GABRA3: variants seen among roughly 807,000 people sequenced by gnomAD.
The protein encoded by GABRA3 is gamma-aminobutyric acid receptor subunit alpha-3.
Under a neutral mutation model 30.1 loss-of-function variants are expected in GABRA3, and 10 were observed. The ratio of observed to expected loss-of-function variants is 0.33; its 90% CI spans 0.20 to 0.56. GABRA3 has a LOEUF of 0.56. Among genes scored for constraint, GABRA3 ranks in the 20% least tolerant of loss-of-function variants. GABRA3 has a pLI of 0.89. For missense variants in GABRA3, 233 were observed against 392.0 expected (o/e 0.59, Z 3.42); for synonymous variants, 151 against 146.8 (o/e 1.03, Z -0.21).
At chrX:152,185,236 C>T (rs1201700072) in intron 9 of GABRA3, among the ~76,000 whole-genome samples, 1 of 111,514 alleles carries the variant, frequency 9.0e-6, no homozygotes, top group Admixed American at 9.6e-5. Flanking sequence ...AGCACCTGTA[C>T]ATTAGAGATC....
intron 9 of GABRA3, among the ~76,000 whole-genome samples, chrX:152,183,555 A>G (rs1190631595): frequency 9.2e-6 from 1 of 109,174 alleles, no homozygotes; most frequent in African/African-American, 3.3e-5. Flanking sequence ...TATTTCATGT[A>G]TTTCTGCTCT....
chrX:152,181,458 G>A (rs1355550262), intron 9 of GABRA3, among the ~76,000 whole-genome samples: 3 of 109,735 alleles, frequency 2.7e-5, no homozygotes, highest in Non-Finnish European at 3.8e-5. Context: ...TTTTTGTAGG[G>A]TCTTTAGGGT....
At chrX:152,285,011 A>G (rs1156979625) in intron 3 of GABRA3, among the ~76,000 whole-genome samples, 3 of 107,562 alleles carry the variant, frequency 2.8e-5, no homozygotes, top group Non-Finnish European at 5.8e-5. Context: ...ACAAGAGCTG[A>G]GCTCTCACTG....
chrX:152,447,872 C>T (rs1169913779), intron 1 of GABRA3, among the ~76,000 whole-genome samples: 2 of 111,607 alleles, frequency 1.8e-5, no homozygotes, highest in South Asian at 3.7e-4. Context: ...AAATGTAGCC[C>T]GCCAAATCAG....
intron 3 of GABRA3, among the ~76,000 whole-genome samples, chrX:152,338,782 G>C (rs1348259441): frequency 8.9e-6 from 1 of 112,074 alleles, no homozygotes; most frequent in African/African-American, 3.2e-5. Context: ...ATTTGTTGAA[G>C]CGACTGTCCT....
At chrX:152,243,295 T>C (rs1345285924) in intron 5 of GABRA3, among the ~76,000 whole-genome samples, 1 of 111,711 alleles carries the variant, frequency 9.0e-6, no homozygotes, top group African/African-American at 3.3e-5. Flanking sequence ...GTATAGTTAA[T>C]AACAGTGTTT....
intron 3 of GABRA3, among the ~76,000 whole-genome samples, chrX:152,334,758 CA>C (rs76390807): frequency 3.7e-5 from 4 of 108,041 alleles, no homozygotes; most frequent in East Asian, 2.9e-4. Flanking sequence ...TACATAAAAT[CA>C]AAAAAAAATT....
intron 3 of GABRA3, among the ~76,000 whole-genome samples, chrX:152,309,334 G>A (rs1196015138): frequency 9.0e-6 from 1 of 110,989 alleles, no homozygotes; most frequent in Admixed American, 9.6e-5. Flanking sequence ...AAAACACATA[G>A]TCATCAGATT....
At chrX:152,445,462 C>A (rs2124555780) in intron 1 of GABRA3, among the ~76,000 whole-genome samples, 1 of 111,494 alleles carries the variant, frequency 9.0e-6, no homozygotes, top group South Asian at 3.8e-4. Flanking sequence ...ACGGTCAGTT[C>A]TTTCCTTAAC....
rs1213087280 is a variant in GABRA3, at chrX:152,434,847, T to C, written c.-27+16299A>G. ...CAAGATCATCAGCATACATTCATGA[T>C]AAAAATCCCTCACCAAACTATGGAT... is the stretch of plus-strand genomic sequence containing the variant. On this transcript the variant is annotated intron_variant, in intron 1 of 9. Coordinates refer to ENST00000370314, the MANE Select transcript of GABRA3 (RefSeq NM_000808.4). Among the ~76,000 whole-genome samples the C allele has an allele frequency of 4.5e-5, 5 of 111,562 alleles. No homozygotes were observed. The South Asian group carries it at 1.5e-3, about 33-fold the overall frequency.
intron 8 of GABRA3, 113 bp downstream of exon 8, chrX:152,197,520 T>G (rs746395321): frequency 3.1e-6 from 2 of 648,262 alleles, no homozygotes; most frequent in African/African-American, 4.5e-5. Context: ...TTACTCCTGC[T>G]AGGCACAGGA....
At chrX:152,352,273 T>C (rs1940489769) in intron 2 of GABRA3, among the ~76,000 whole-genome samples, 1 of 111,872 alleles carries the variant, frequency 8.9e-6, no homozygotes, top group African/African-American at 3.2e-5. Context: ...TATTTCCATA[T>C]ATGTAAAATG....
At chrX:152,170,384 G>A (rs1345116831) in intron 9 of GABRA3, among the ~76,000 whole-genome samples, 1 of 112,539 alleles carries the variant, frequency 8.9e-6, no homozygotes, top group South Asian at 3.7e-4. Flanking sequence ...TGTAAACATA[G>A]CCCACTACAG....
intron 3 of GABRA3, 50 bp from the exon 4 acceptor site, chrX:152,284,785 T>A (rs781017663): frequency 1.1e-6 from 1 of 944,770 alleles, no homozygotes; most frequent in Admixed American, 2.3e-5. Context: ...GCTTTTGTCT[T>A]AGCTCAGAGA....
chrX:152,231,945 A>G (rs2124388744), intron 5 of GABRA3, among the ~76,000 whole-genome samples: 1 of 111,819 alleles, frequency 8.9e-6, no homozygotes, highest in East Asian at 2.8e-4. Context: ...TGACATGTCC[A>G]AGAAAGACGA....
At chrX:152,244,835 G>T (rs1480097128) in intron 5 of GABRA3, among the ~76,000 whole-genome samples, 1 of 110,889 alleles carries the variant, frequency 9.0e-6, no homozygotes, top group Admixed American at 9.7e-5. Context: ...CTCAATTAAA[G>T]AATTAAAAAA....
At chrX:152,425,262 A>T (rs1425401600) in intron 1 of GABRA3, among the ~76,000 whole-genome samples, 1 of 110,641 alleles carries the variant, frequency 9.0e-6, no homozygotes, top group Non-Finnish European at 1.9e-5. Context: ...ACAATATCAC[A>T]CTTGTATATA....
chrX:152,361,788 T>C (rs1246285833), intron 2 of GABRA3, among the ~76,000 whole-genome samples: 1 of 110,896 alleles, frequency 9.0e-6, no homozygotes, highest in East Asian at 2.8e-4. Context: ...AACCGTGAAT[T>C]TTCTTTATGA....
intron 1 of GABRA3, among the ~76,000 whole-genome samples, chrX:152,406,126 C>T (rs1265778659): frequency 9.1e-6 from 1 of 109,795 alleles, no homozygotes; most frequent in Non-Finnish European, 1.9e-5. Flanking sequence ...AGTGCTGATA[C>T]AGCTGCAATG....
Sources: allele counts gnomAD v4.1 joint callset (sites outside exome capture counted in the v4.1 genomes callset), GRCh38; gene constraint gnomAD v4.1.1; transcripts MANE v1.5; gene names NCBI Gene and HGNC (gene_info 2026-07-23, HGNC 2026-07-21).